The following GALNT16 variants were observed in gnomAD, a reference collection of about 807,000 sequenced individuals.
GALNT16 encodes the protein polypeptide N-acetylgalactosaminyltransferase 16, also known as UDP-GalNAc:polypeptide N-acetylgalactosaminyltransferase-like protein 1.
A neutral mutation model predicts 76.1 loss-of-function variants in GALNT16; 40 were observed. That is an observed-to-expected ratio of 0.53 (90% CI 0.41 to 0.68). GALNT16 has a LOEUF of 0.68. GALNT16 is among the 30% of genes least tolerant of loss of function. The pLI is 0.00. For synonymous variants in GALNT16, 276 were observed against 285.2 expected (o/e 0.97, Z 0.32); for missense variants, 621 against 731.9 (o/e 0.85, Z 1.75).
chr14:69,266,628 T>A (rs539561134), intron 1 of GALNT16, among the ~76,000 whole-genome samples: 2 of 152,212 alleles, frequency 1.3e-5, no homozygotes, highest in East Asian at 3.9e-4. Flanking sequence ...CACAGAACCA[T>A]CCAACATGGG....
intron 14 of GALNT16, 185 bp downstream of exon 14, chr14:69,348,187 C>A: frequency 1.6e-6 from 1 of 616,346 alleles, no homozygotes; most frequent in Non-Finnish European, 2.9e-6. Context: ...GGAAATACTT[C>A]TTTGGGTAAT....
intron 1 of GALNT16, among the ~76,000 whole-genome samples, chr14:69,291,127 C>T (rs1004498966): frequency 1.3e-5 from 2 of 152,018 alleles, no homozygotes; most frequent in African/African-American, 2.4e-5. Flanking sequence ...CCTGTTTCTA[C>T]GACAAATTTT....
intron 12 of GALNT16, among the ~76,000 whole-genome samples, chr14:69,342,898 C>T (rs1367991024): frequency 6.6e-6 from 1 of 152,152 alleles, no homozygotes; most frequent in Non-Finnish European, 1.5e-5. Context: ...CGCCTCCCTC[C>T]CCAGCATCGT....
intron 1 of GALNT16, among the ~76,000 whole-genome samples, chr14:69,270,214 G>C (rs953704870): frequency 6.6e-6 from 1 of 152,144 alleles, no homozygotes; most frequent in Non-Finnish European, 1.5e-5. Flanking sequence ...CTCGTGCGGG[G>C]AGTAGTCACT....
At chr14:69,292,744 G>C (rs944752615) in intron 1 of GALNT16, among the ~76,000 whole-genome samples, 4 of 152,252 alleles carry the variant, frequency 2.6e-5, no homozygotes, top group African/African-American at 9.6e-5. Context: ...TTAGTCTAGT[G>C]ATGGTGGCTT....
intron 1 of GALNT16, among the ~76,000 whole-genome samples, chr14:69,296,320 A>G (rs2185491): frequency 0.45 from 68,578 of 152,036 alleles, 16,284 homozygotes; most frequent in East Asian, 0.87. Flanking sequence ...CCCCATCTCC[A>G]ACACTGGGGA....
chr14:69,282,239 C>T (rs1461956285), intron 1 of GALNT16, among the ~76,000 whole-genome samples: 2 of 152,174 alleles, frequency 1.3e-5, no homozygotes, highest in Non-Finnish European at 2.9e-5. Flanking sequence ...TGTTGTGTGG[C>T]GTTGGAGTGC....
chr14:69,384,179 A>G, the GALNT16 span, among the ~76,000 whole-genome samples: 8 of 152,348 alleles, frequency 5.3e-5, no homozygotes, highest in South Asian at 2.1e-4. Context: ...ATTAAAATTC[A>G]TATCATTCTA....
chr14:69,282,981 A>G (rs28582193), intron 1 of GALNT16, among the ~76,000 whole-genome samples: 4,707 of 152,086 alleles, frequency 0.031, 233 homozygotes, highest in African/African-American at 0.11. Flanking sequence ...GATTTTTTAT[A>G]TGTTCTCTAC....
chr14:69,343,849 C>G (rs1174823710), intron 12 of GALNT16, among the ~76,000 whole-genome samples: 1 of 152,234 alleles, frequency 6.6e-6, no homozygotes, highest in Non-Finnish European at 1.5e-5. Context: ...AGAAACCTGG[C>G]TCGATCACAA....
chr14:69,290,565 C>CA (rs144371101), intron 1 of GALNT16, among the ~76,000 whole-genome samples: 4 of 152,230 alleles, frequency 2.6e-5, no homozygotes, highest in African/African-American at 9.6e-5. Context: ...GAAAAGGTTG[C>CA]AAAAATAGTA....
chr14:69,324,775 T>A lies in GALNT16; in HGVS notation c.419T>A (p.Leu140Gln). 1 of 1,609,434 alleles carries A rather than the reference T, an allele frequency of 6.2e-7. No individual in the cohort carries two copies. The highest frequency in any genetic ancestry group is 1.1e-5 in the South Asian group (1 of 90,588). ...TFHNEARSTL[L>Q]RTVKSVLNRT... The stretch of plus-strand genomic sequence containing the variant: ...CACAATGAGGCCCGTTCCACCCTGC[T>A]GCGCACAGTGAAGAGGTAAGTCCAG... Residue 140 changes from leucine (L) to glutamine (Q), a missense_variant, in exon 3 of 15, where the codon CTG becomes CAG. Physicochemically the swap from Leu to Gln is moderately radical, Grantham distance 113. Coordinates refer to ENST00000448469, the MANE Select transcript of GALNT16 (RefSeq NM_001168368.2).
At chr14:69,286,501 A>C (rs932290379) in intron 1 of GALNT16, among the ~76,000 whole-genome samples, 8 of 151,978 alleles carry the variant, frequency 5.3e-5, no homozygotes, top group Non-Finnish European at 8.8e-5. Context: ...ATGGGGTTTC[A>C]CCATGTTAAC....
chr14:69,277,494 A>G (rs550213372), intron 1 of GALNT16, among the ~76,000 whole-genome samples: 1 of 152,292 alleles, frequency 6.6e-6, no homozygotes, highest in South Asian at 2.1e-4. Flanking sequence ...TGTCCTTACA[A>G]TAGTTTGCTC....
Position 69,347,078 on chromosome 14 carries a change from AG to A in GALNT16, c.1315del (p.Val439Ter). 6.2e-7 allele frequency: 1 copy of A among 1,613,910 alleles called. No individual in the cohort carries two copies. Among genetic ancestry groups the A allele is most frequent in the Non-Finnish European group, 8.5e-7 (1 of 1,179,812 alleles). On this transcript the variant is annotated frameshift_variant, in exon 13 of 15. Coordinates refer to ENST00000448469, the MANE Select transcript of GALNT16 (RefSeq NM_001168368.2). LOFTEE classifies it high-confidence loss of function. ...VKEALPGIIK[Q>X]GVNCLESQGQ... ...GAAGCACTCCCCGGCATCATTAAGC[AG>A]GGGGTGAACTGCTTAGAATCTCAGG... is the stretch of plus-strand genomic sequence containing the variant.
chr14:69,331,430 C>A (rs774990282), intron 6 of GALNT16, 34 bp from the exon 7 acceptor site: 2 of 1,236,748 alleles, frequency 1.6e-6, no homozygotes, highest in Non-Finnish European at 2.4e-6. Flanking sequence ...CAGAGAAGTC[C>A]CAGGCCTCAC....
At chr14:69,369,441 GA>G in the GALNT16 span, among the ~76,000 whole-genome samples, 1 of 152,208 alleles carries the variant, frequency 6.6e-6, no homozygotes, top group Non-Finnish European at 1.5e-5. Context: ...CCTCAGCCGT[GA>G]AAGGTTGGCT....
At chr14:69,278,505 T>C (rs2044501549) in intron 1 of GALNT16, among the ~76,000 whole-genome samples, 1 of 152,254 alleles carries the variant, frequency 6.6e-6, no homozygotes, top group Non-Finnish European at 1.5e-5. Flanking sequence ...AACTTGTTCT[T>C]TTTATTTAAC....
chr14:69,366,696 G>A, the GALNT16 span, among the ~76,000 whole-genome samples: 1 of 152,136 alleles, frequency 6.6e-6, no homozygotes, highest in Admixed American at 6.5e-5. Context: ...CTTTATAATG[G>A]AACCAGTATG....
Sources: gnomAD v4.1 joint callset for allele counts (sites outside exome capture counted in the v4.1 genomes callset) on GRCh38, gnomAD v4.1.1 for gene constraint, MANE v1.5 for transcripts, NCBI Gene and HGNC (gene_info 2026-07-23, HGNC 2026-07-21) for gene names.